The following CHCHD6 variants were observed in gnomAD, a reference collection of about 807,000 sequenced individuals.
CHCHD6 encodes the protein MICOS complex subunit MIC25.
A neutral mutation model predicts 32.3 loss-of-function variants in CHCHD6; 28 were observed. The observed-to-expected ratio is 0.87, with a 90% CI of 0.64 to 1.19. The LOEUF (loss-of-function observed/expected upper bound fraction) is 1.19, where lower values mean the gene tolerates loss of function less well. Among genes scored for constraint, CHCHD6 ranks in the 50% most tolerant of loss-of-function variants. CHCHD6 has a pLI of 0.00. For synonymous variants in CHCHD6, 122 were observed against 117.5 expected (o/e 1.04, Z -0.25); for missense variants, 333 against 307.0 (o/e 1.08, Z -0.63).
intron 4 of CHCHD6, among the ~76,000 whole-genome samples, chr3:126,807,057 G>C (rs1939423581): frequency 8.6e-6 from 1 of 115,610 alleles, no homozygotes; most frequent in South Asian, 3.9e-4. Flanking sequence ...GTGGGGTGGG[G>C]GGAGGGGGGA....
chr3:126,913,946 C>T (rs904290466), intron 5 of CHCHD6, among the ~76,000 whole-genome samples: 1 of 152,250 alleles, frequency 6.6e-6, no homozygotes, highest in Non-Finnish European at 1.5e-5. Flanking sequence ...GTGTTTTGCT[C>T]CCAGGCCTGG....
intron 5 of CHCHD6, among the ~76,000 whole-genome samples, chr3:126,862,085 C>G (rs1462383852): frequency 4.3e-5 from 3 of 70,548 alleles, no homozygotes; most frequent in Non-Finnish European, 8.4e-5. Flanking sequence ...ACCACCTCCT[C>G]CTCCTCCACC....
At chr3:126,827,676 T>G (rs1460437777) in intron 4 of CHCHD6, among the ~76,000 whole-genome samples, 1 of 152,210 alleles carries the variant, frequency 6.6e-6, no homozygotes, top group African/African-American at 2.4e-5. Flanking sequence ...CATGTGCCAA[T>G]CACTATTGTT....
chr3:126,888,448 C>G (rs765721950), intron 5 of CHCHD6, among the ~76,000 whole-genome samples: 13 of 152,168 alleles, frequency 8.5e-5, no homozygotes, highest in Non-Finnish European at 1.5e-4. Context: ...TTGTATTTAT[C>G]CATTTAGCCA....
intron 6 of CHCHD6, chr3:126,949,658 G>GCGTC (rs920511174): frequency 5.2e-6 from 1 of 192,064 alleles, no homozygotes; most frequent in Non-Finnish European, 1.0e-5. Context: ...AGGCTGCTGC[G>GCGTC]CGGACTGCCG....
chr3:126,847,806 G>T (rs72980837), intron 4 of CHCHD6, among the ~76,000 whole-genome samples: 11 of 146,488 alleles, frequency 7.5e-5, no homozygotes, highest in African/African-American at 2.5e-4. Flanking sequence ...CCTTCCCCTC[G>T]CCCACCTCCC....
chr3:126,767,366 A>T (rs376039167), intron 4 of CHCHD6: 2 of 804,972 alleles, frequency 2.5e-6, no homozygotes, highest in Admixed American at 3.4e-5. Flanking sequence ...TGCTGCAGAC[A>T]TGATCACTTC....
At chr3:126,866,878 A>G (rs577217376) in intron 5 of CHCHD6, among the ~76,000 whole-genome samples, 1 of 152,296 alleles carries the variant, frequency 6.6e-6, no homozygotes, top group Admixed American at 6.5e-5. Context: ...CTACAATGTT[A>G]TTATCTTGCC....
chr3:126,747,865 G>A lies in CHCHD6; in HGVS notation c.411+14643G>A, dbSNP rs527635868. Among the ~76,000 whole-genome samples the A allele has an allele frequency of 3.3e-5, 5 of 152,242 alleles. No individual in the cohort carries two copies. The South Asian group carries it at 6.2e-4, about 19-fold the overall frequency. ...ATCTGGGCCTGGGCTCCTGGGGGCC[G>A]CTAGAGGCTGGATGGTTGGGTTCTC... On this transcript the variant is annotated intron_variant, in intron 4 of 7. Transcript: ENST00000290913.
chr3:126,737,251 C>T (rs1028589834), intron 4 of CHCHD6, among the ~76,000 whole-genome samples: 9 of 151,956 alleles, frequency 5.9e-5, no homozygotes, highest in South Asian at 2.1e-4. Flanking sequence ...ACCTTGGAGG[C>T]GGAGGTTGCA....
At chr3:126,860,148 T>C (rs1216468269) in intron 5 of CHCHD6, among the ~76,000 whole-genome samples, 1 of 152,010 alleles carries the variant, frequency 6.6e-6, no homozygotes, top group Admixed American at 6.6e-5. Flanking sequence ...ACCTTGAGGA[T>C]GTGAGTGTGA....
chr3:126,715,029 G>A (rs1294884191), intron 1 of CHCHD6, among the ~76,000 whole-genome samples: 2 of 152,110 alleles, frequency 1.3e-5, no homozygotes, highest in Non-Finnish European at 2.9e-5. Flanking sequence ...ATTGACATTC[G>A]ACTAGTTTTT....
chr3:126,941,657 T>C (rs912389829), intron 6 of CHCHD6, among the ~76,000 whole-genome samples: 1 of 152,214 alleles, frequency 6.6e-6, no homozygotes, highest in African/African-American at 2.4e-5. Context: ...ATAGAAAGAT[T>C]GTAAGAACAA....
At chr3:126,945,046 G>A (rs1284194468) in intron 6 of CHCHD6, among the ~76,000 whole-genome samples, 1 of 151,980 alleles carries the variant, frequency 6.6e-6, no homozygotes, top group Non-Finnish European at 1.5e-5. Flanking sequence ...AGGAAGGAAG[G>A]ACATTCATTT....
At chr3:126,808,401 T>C (rs1010768813) in intron 4 of CHCHD6, among the ~76,000 whole-genome samples, 1 of 152,166 alleles carries the variant, frequency 6.6e-6, no homozygotes. Context: ...TACTAGGTGA[T>C]GGGGATCATC....
intron 4 of CHCHD6, among the ~76,000 whole-genome samples, chr3:126,847,487 A>G (rs888631810): frequency 6.6e-6 from 1 of 152,222 alleles, no homozygotes; most frequent in Admixed American, 6.5e-5. Flanking sequence ...TGAGCAAGAC[A>G]GAAATCACTG....
At chr3:126,874,404 G>A (rs569932621) in intron 5 of CHCHD6, among the ~76,000 whole-genome samples, 13 of 152,270 alleles carry the variant, frequency 8.5e-5, no homozygotes, top group Admixed American at 5.9e-4. Context: ...GCTGGCCAAC[G>A]TCTGGGCAGG....
intron 5 of CHCHD6, among the ~76,000 whole-genome samples, chr3:126,896,655 A>G (rs1201686360): frequency 6.6e-6 from 1 of 152,132 alleles, no homozygotes. Flanking sequence ...TACCTGATCA[A>G]CCCGGCTGTA....
At chr3:126,731,534 C>T (rs752516133) in intron 3 of CHCHD6, among the ~76,000 whole-genome samples, 1 of 152,128 alleles carries the variant, frequency 6.6e-6, no homozygotes, top group Non-Finnish European at 1.5e-5. Context: ...TGCACATGAG[C>T]ACAGCACCTG....
Sources: allele counts gnomAD v4.1 joint callset (sites outside exome capture counted in the v4.1 genomes callset), GRCh38; gene constraint gnomAD v4.1.1; transcripts MANE v1.5; gene names NCBI Gene and HGNC (gene_info 2026-07-23, HGNC 2026-07-21).